The following TNFRSF19 variants were observed in gnomAD, a reference collection of about 807,000 sequenced individuals.
TNFRSF19 encodes tumor necrosis factor receptor superfamily member 19.
TNFRSF19 carries 27 observed loss-of-function variants against 46.4 expected under a neutral mutation model. That is an observed-to-expected ratio of 0.58 (90% confidence interval 0.43 to 0.80). TNFRSF19 has a LOEUF of 0.80. Ranked by LOEUF, TNFRSF19 falls within the 30% of genes least tolerant of loss-of-function variation. The pLI, the probability that TNFRSF19 is intolerant of heterozygous loss-of-function variation, is 0.00. For synonymous variants in TNFRSF19, 204 were observed against 205.0 expected, an observed-to-expected ratio of 1.00 and a Z score of 0.04; for missense variants, 511 against 530.8, an observed-to-expected ratio of 0.96 and a Z score of 0.37.
At chr13:23,641,909 C>G (rs993647649) in intron 5 of TNFRSF19, among the ~76,000 whole-genome samples, 1 of 152,182 alleles carries the variant, frequency 6.6e-6, no homozygotes, top group African/African-American at 2.4e-5. Context: ...TTTAAATGTG[C>G]TCAGTACACT....
intron 9 of TNFRSF19, among the ~76,000 whole-genome samples, chr13:23,673,024 G>A (rs1951781707): frequency 6.6e-6 from 1 of 152,190 alleles, no homozygotes; most frequent in Non-Finnish European, 1.5e-5. Context: ...TGCTTTAAAG[G>A]AACACAGTAT....
intron 3 of TNFRSF19, among the ~76,000 whole-genome samples, chr13:23,604,738 A>G (rs1434394728): frequency 6.6e-6 from 1 of 152,200 alleles, no homozygotes; most frequent in Non-Finnish European, 1.5e-5. Flanking sequence ...GTAGCAAACA[A>G]CATGATGGAG....
chr13:23,601,952 A>G, intron 3 of TNFRSF19, among the ~76,000 whole-genome samples: 1 of 152,188 alleles, frequency 6.6e-6, no homozygotes, highest in Non-Finnish European at 1.5e-5. Flanking sequence ...AATGTGGAAG[A>G]CAGAAATAAG....
At chr13:23,655,370 A>G (rs1883916048) in intron 5 of TNFRSF19, among the ~76,000 whole-genome samples, 2 of 152,246 alleles carry the variant, frequency 1.3e-5, no homozygotes, top group African/African-American at 2.4e-5. Context: ...TAGTGCTAAC[A>G]TTATGGTGGA....
At position 23,590,198 on chromosome 13, in the gene TNFRSF19, G is replaced by A; in HGVS notation, c.15G>A (p.Val5=). The change falls in exon 2 of 10, where the codon GTG becomes GTA. Residue 5 remains valine, a synonymous_variant. Coordinates refer to ENST00000248484, the MANE Select transcript of TNFRSF19 (RefSeq NM_148957.4). MALK[V]LLEQEKTFFT... ...TGATAAGAAAGATGGCTTTAAAAGT[G>A]CTACTAGAACAAGAGAAAACGTTTT... The A allele has an allele frequency of 6.3e-7, 1 of 1,595,970 alleles. No homozygotes were observed. Among genetic ancestry groups the A allele is most frequent in the Non-Finnish European group, 8.5e-7 (1 of 1,170,104 alleles).
At chr13:23,657,572 T>G (rs1400601821) in intron 5 of TNFRSF19, among the ~76,000 whole-genome samples, 1 of 152,204 alleles carries the variant, frequency 6.6e-6, no homozygotes, top group African/African-American at 2.4e-5. Context: ...TAATACAAAA[T>G]AGAGAACGCA....
chr13:23,574,471 T>C (rs1320437917), intron 1 of TNFRSF19, among the ~76,000 whole-genome samples: 1 of 152,006 alleles, frequency 6.6e-6, no homozygotes, highest in East Asian at 1.9e-4. Flanking sequence ...AGTTTTTTTT[T>C]TTCCTTTTAT....
intron 7 of TNFRSF19, among the ~76,000 whole-genome samples, chr13:23,663,979 T>C (rs1407549138): frequency 6.6e-6 from 1 of 152,166 alleles, no homozygotes; most frequent in African/African-American, 2.4e-5. Flanking sequence ...TGGGTGGTTT[T>C]TCATGTCTCA....
chr13:23,636,172 A>G (rs1002040852), intron 5 of TNFRSF19, among the ~76,000 whole-genome samples: 7 of 152,180 alleles, frequency 4.6e-5, no homozygotes, highest in African/African-American at 1.7e-4. Context: ...CAAGAGACCA[A>G]CGGGTTATGT....
rs1951813481 is a variant in TNFRSF19 at position 23,675,300 on chromosome 13, G to C, written c.*1920G>C. The C allele has an allele frequency of 6.6e-6, 1 of 151,890 alleles. No homozygotes were observed. The highest frequency in any genetic ancestry group is 1.5e-5 in the Non-Finnish European group (1 of 68,038). 9.4% of individuals were successfully genotyped at this position (151,890 alleles called of 1,614,324 possible). Reference sequence around the variant, plus strand: ...GAGATGATGTTTGCATTTCTGTTATGACAGAGAGATGATGAAAGTAGGCAG... The same window carrying C: ...GAGATGATGTTTGCATTTCTGTTATCACAGAGAGATGATGAAAGTAGGCAG... On this transcript the variant is annotated 3_prime_UTR_variant, in exon 10 of 10. Coordinates refer to ENST00000248484, the MANE Select transcript of TNFRSF19 (RefSeq NM_148957.4).
rs1359283701 is a variant in TNFRSF19, at chr13:23,675,510, GA to G, written c.*2132del. On this transcript the variant is annotated 3_prime_UTR_variant, in exon 10 of 10. Transcript: ENST00000248484. ...TTGAAAATTGATTTCATTTGCTACT[GA>G]ATTTGGTAAATCCTGGGTAACTTTT... The G allele has an allele frequency of 6.6e-6, 1 of 152,174 alleles. No individual in the cohort carries two copies. Among genetic ancestry groups the G allele is most frequent in the Non-Finnish European group, 1.5e-5 (1 of 68,018 alleles). 9.4% of individuals were successfully genotyped at this position (152,174 alleles called of 1,614,324 possible).
At chr13:23,625,928 A>T (rs987067544) in intron 4 of TNFRSF19, among the ~76,000 whole-genome samples, 3 of 152,200 alleles carry the variant, frequency 2.0e-5, no homozygotes, top group Admixed American at 6.5e-5. Flanking sequence ...TTTTTAAAAA[A>T]ATTTAATTGT....
At chr13:23,607,218 G>A (rs61946368) in intron 3 of TNFRSF19, among the ~76,000 whole-genome samples, 5,123 of 152,276 alleles carry the variant, frequency 0.034, 121 homozygotes, top group Middle Eastern at 0.051. Context: ...TGGATTGCCT[G>A]AGGTCAGGAG....
At chr13:23,583,426 G>A (rs1323559280) in intron 1 of TNFRSF19, among the ~76,000 whole-genome samples, 1 of 152,166 alleles carries the variant, frequency 6.6e-6, no homozygotes, top group Non-Finnish European at 1.5e-5. Context: ...GGTATTTTAT[G>A]TGTCTAAAAT....
intron 7 of TNFRSF19, among the ~76,000 whole-genome samples, chr13:23,665,563 C>T (rs1593300812): frequency 1.0e-5 from 1 of 98,032 alleles, no homozygotes; most frequent in Non-Finnish European, 2.1e-5. Flanking sequence ...TGTCCTTTAC[C>T]GAGATTCCCC....
At chr13:23,592,964 T>C (rs1331044938) in intron 2 of TNFRSF19, among the ~76,000 whole-genome samples, 1 of 149,076 alleles carries the variant, frequency 6.7e-6, no homozygotes, top group African/African-American at 2.5e-5. Context: ...CCTTGGGTCA[T>C]ATATCAAAGA....
intron 3 of TNFRSF19, among the ~76,000 whole-genome samples, chr13:23,604,786 T>C (rs1880402461): frequency 6.6e-6 from 1 of 152,082 alleles, no homozygotes; most frequent in African/African-American, 2.4e-5. Context: ...CTAAAACAAC[T>C]TGACATCCAC....
At position 23,675,078 on chromosome 13, in the gene TNFRSF19, T is replaced by C. The variant is rs1777079562; in HGVS notation, c.*1698T>C. On this transcript the variant is annotated 3_prime_UTR_variant, in exon 10 of 10. Transcript: ENST00000248484. ...TAATTGACTTTTCCTGTATTACTTC[T>C]TTTTTTAAGTATAAACCAATGATCC... The C allele has an allele frequency of 6.6e-6, 1 of 151,602 alleles. No individual in the cohort carries two copies. The highest frequency in any genetic ancestry group is 2.4e-5 in the African/African-American group (1 of 40,868). The allele number at this position is 151,602 out of a possible 1,614,324, so 9.4% of individuals were successfully genotyped here.
intron 5 of TNFRSF19, among the ~76,000 whole-genome samples, chr13:23,648,839 GTGTATTTTTCCCCT>G: frequency 6.6e-6 from 1 of 152,192 alleles, no homozygotes. Flanking sequence ...TAATTTTGTT[GTGTATTTTTCCCCT>G]TTATTTTATT....
Sources: allele counts gnomAD v4.1 joint callset (sites outside exome capture counted in the v4.1 genomes callset), GRCh38; gene constraint gnomAD v4.1.1; transcripts MANE v1.5; gene names NCBI Gene and HGNC (gene_info 2026-07-23, HGNC 2026-07-21).